The following TFPI variants were observed in gnomAD, a reference collection of about 807,000 sequenced individuals.
TFPI encodes anti-convertin.
A neutral mutation model predicts 34.6 loss-of-function variants in TFPI; 15 were observed. The observed-to-expected ratio is 0.43, with a 90% CI of 0.29 to 0.67. The LOEUF is 0.67. TFPI is among the 30% of genes least tolerant of loss of function. TFPI has a pLI of 0.15. For missense variants in TFPI, 301 were observed against 364.0 expected, an observed-to-expected ratio of 0.83 and a Z score of 1.41; for synonymous variants, 105 against 120.1, an observed-to-expected ratio of 0.87 and a Z score of 0.82.
At chr2:187,484,345 C>A (rs539367848) in intron 5 of TFPI, 129 bp from the exon 6 acceptor site, 177 of 670,874 alleles carry the variant, frequency 2.6e-4, no homozygotes, top group Non-Finnish European at 3.7e-4. Flanking sequence ...GTTAAATTAG[C>A]AAACAGTGAA....
At chr2:187,528,009 G>A (rs1354927075) in intron 1 of TFPI, among the ~76,000 whole-genome samples, 1 of 151,768 alleles carries the variant, frequency 6.6e-6, no homozygotes, top group Non-Finnish European at 1.5e-5. Context: ...CCCAACCCAG[G>A]AAAATATAAT....
intron 6 of TFPI, chr2:187,478,825 A>G: frequency 1.9e-6 from 3 of 1,597,050 alleles, no homozygotes; most frequent in Non-Finnish European, 2.6e-6. Context: ...AAAATTGATA[A>G]ATAAAAAATG....
At chr2:187,488,928 C>A (rs1436439792) in intron 3 of TFPI, among the ~76,000 whole-genome samples, 3 of 151,490 alleles carry the variant, frequency 2.0e-5, no homozygotes, top group African/African-American at 7.2e-5. Context: ...TTAACGGAAT[C>A]ATTTCCCTCT....
chr2:187,539,932 C>T (rs897682684), intron 1 of TFPI, among the ~76,000 whole-genome samples: 2 of 149,276 alleles, frequency 1.3e-5, no homozygotes, highest in African/African-American at 4.9e-5. Context: ...CGGAGCCTCG[C>T]TCTGTCACCA....
At chr2:187,526,690 T>C (rs1056529142) in intron 1 of TFPI, 2 of 152,190 alleles carry the variant, frequency 1.3e-5, no homozygotes, top group Non-Finnish European at 2.9e-5. Flanking sequence ...ATGGTACTTA[T>C]CTAAAGTTTC....
intron 1 of TFPI, among the ~76,000 whole-genome samples, chr2:187,548,791 C>G (rs899138912): frequency 3.3e-5 from 5 of 151,922 alleles, no homozygotes; most frequent in Admixed American, 2.0e-4. Context: ...CAGAGCTCAC[C>G]ACATATAGAA....
chr2:187,526,743 T>C (rs1191423051), intron 1 of TFPI: 1 of 152,186 alleles, frequency 6.6e-6, no homozygotes, highest in Non-Finnish European at 1.5e-5. Context: ...TGAATTTTTT[T>C]CTTTTTTAAA....
chr2:187,485,211 T>C (rs1693174827), intron 4 of TFPI, among the ~76,000 whole-genome samples: 1 of 151,836 alleles, frequency 6.6e-6, no homozygotes, highest in South Asian at 2.1e-4. Context: ...TAATAGGGAA[T>C]TAACTGTCAT....
chr2:187,518,314 A>G (rs1207875481), intron 1 of TFPI: 1 of 152,132 alleles, frequency 6.6e-6, no homozygotes, highest in African/African-American at 2.4e-5. Flanking sequence ...CTCCTAGAGG[A>G]GCTCTTTTAA....
At chr2:187,483,866 T>C (rs1419430332) in intron 6 of TFPI, 3 of 434,372 alleles carry the variant, frequency 6.9e-6, no homozygotes. Context: ...TAGAGTTAAA[T>C]ATCATATGAA....
At chr2:187,521,753 G>A (rs1210006559) in intron 1 of TFPI, among the ~76,000 whole-genome samples, 1 of 151,944 alleles carries the variant, frequency 6.6e-6, no homozygotes, top group Non-Finnish European at 1.5e-5. Flanking sequence ...ATTTTTAGTA[G>A]AGACAGGGTT....
intron 3 of TFPI, among the ~76,000 whole-genome samples, chr2:187,493,338 A>T (rs1685248967): frequency 6.6e-6 from 1 of 152,246 alleles, no homozygotes; most frequent in South Asian, 2.1e-4. Flanking sequence ...CAGGGCACGA[A>T]GTCCCTAGAC....
intron 1 of TFPI, among the ~76,000 whole-genome samples, chr2:187,553,195 C>T (rs202171230): frequency 2.2e-5 from 2 of 91,770 alleles, no homozygotes; most frequent in African/African-American, 6.9e-5. Flanking sequence ...ATTGTCACAA[C>T]TTTCCCCCTT....
intron 1 of TFPI, among the ~76,000 whole-genome samples, chr2:187,528,268 A>C (rs1357603416): frequency 6.6e-6 from 1 of 152,180 alleles, no homozygotes; most frequent in African/African-American, 2.4e-5. Flanking sequence ...GGAATAGGGC[A>C]AAGAAGTTCA....
intron 1 of TFPI, among the ~76,000 whole-genome samples, chr2:187,512,520 G>GA (rs34346806): frequency 0.35 from 49,616 of 140,930 alleles, 8,960 homozygotes; most frequent in Non-Finnish European, 0.42. Flanking sequence ...GTAATTGAAG[G>GA]AAAAAAAAAA....
chr2:187,535,693 A>C (rs1314199153), intron 1 of TFPI, among the ~76,000 whole-genome samples: 3 of 152,218 alleles, frequency 2.0e-5, no homozygotes, highest in Non-Finnish European at 4.4e-5. Flanking sequence ...GCTAGAGCAA[A>C]CAAATTGAAA....
chr2:187,491,569 T>C (rs991714633), intron 3 of TFPI, among the ~76,000 whole-genome samples: 1 of 152,116 alleles, frequency 6.6e-6, no homozygotes, highest in Non-Finnish European at 1.5e-5. Context: ...TATGTGTATA[T>C]ATAAATATCA....
chr2:187,540,553 A>G (rs1688523236), intron 1 of TFPI, among the ~76,000 whole-genome samples: 1 of 152,226 alleles, frequency 6.6e-6, no homozygotes, highest in South Asian at 2.1e-4. Flanking sequence ...TGTAAGTCAT[A>G]TAAAGAGATG....
chr2:187,484,252 A>T (rs775290907), intron 5 of TFPI, 36 bp from the exon 6 acceptor site: 2 of 1,566,684 alleles, frequency 1.3e-6, no homozygotes, highest in East Asian at 4.5e-5. Context: ...ATAGATAAAC[A>T]TTGTCACAAT....
Sources: gnomAD v4.1 joint callset for allele counts (sites outside exome capture counted in the v4.1 genomes callset) on GRCh38, gnomAD v4.1.1 for gene constraint, MANE v1.5 for transcripts, NCBI Gene and HGNC (gene_info 2026-07-23, HGNC 2026-07-21) for gene names.